UGT1A3: variants seen among roughly 807,000 people sequenced by gnomAD.
UGT1A3 encodes UDP glucuronosyltransferase family 1 member A3.
UGT1A3 carries 31 observed loss-of-function variants against 41.0 expected under a neutral mutation model. The ratio of observed to expected loss-of-function variants is 0.76; its 90% CI spans 0.57 to 1.02. The LOEUF (loss-of-function observed/expected upper bound fraction) is 1.02. Ranked by LOEUF, UGT1A3 falls within the 50% of genes least tolerant of loss-of-function variation. The pLI, the probability that UGT1A3 is intolerant of heterozygous loss-of-function variation, is 0.00. For missense variants in UGT1A3, 737 were observed against 671.0 expected, an observed-to-expected ratio of 1.10 and a Z score of -1.09; for synonymous variants, 262 against 257.6, an observed-to-expected ratio of 1.02 and a Z score of -0.17.
At chr2:233,734,318 A>T (rs1468594401) in intron 1 of UGT1A3, among the ~76,000 whole-genome samples, 1 of 152,016 alleles carries the variant, frequency 6.6e-6, no homozygotes, top group African/African-American at 2.4e-5. Context: ...GTGTAGACGT[A>T]TTTATAGTAT....
In UGT1A3 at chr2:233,768,227, G is replaced by A. The variant is rs751408172; in HGVS notation, c.1095G>A (p.Pro365=). The part of the protein sequence containing the change: ...WLPQNDLLGH[P]MTRAFITHAG... The stretch of plus-strand genomic sequence containing the variant: ...CCCTATTTTGCATCTCAGGTCACCC[G>A]ATGACCCGTGCCTTTATCACCCATG... Residue 365 remains proline, a synonymous_variant, in exon 4 of 5, where the codon CCG becomes CCA. Transcript: ENST00000482026. 1.3e-5 allele frequency: 21 copies of A among 1,614,014 alleles called. No individual in the cohort carries two copies. The highest frequency in any genetic ancestry group is 8.3e-5 in the Admixed American group (5 of 59,996).
rs1355599661 is a variant in UGT1A3, at chr2:233,766,653, G to C, written c.868-381G>C. Among the ~76,000 whole-genome samples the C allele has an allele frequency of 2.6e-5, 4 of 152,090 alleles. No individual in the cohort carries two copies. In the East Asian group the frequency reaches 7.7e-4, roughly 29 times the overall value. On this transcript the variant is annotated intron_variant, in intron 1 of 4. Transcript: ENST00000482026. ...TCCCTACTTCCATATCATTTAAAGG[G>C]ACCACGCCCTTCCCAGCTCTTCCCT...
chr2:233,765,361 G>A (rs1166048656), intron 1 of UGT1A3, among the ~76,000 whole-genome samples: 1 of 152,180 alleles, frequency 6.6e-6, no homozygotes, highest in Non-Finnish European at 1.5e-5. Context: ...CAACCCAGAT[G>A]CCCATCAATG....
At chr2:233,761,418 C>T (rs1559408324) in intron 1 of UGT1A3, among the ~76,000 whole-genome samples, 1 of 152,184 alleles carries the variant, frequency 6.6e-6, no homozygotes, top group Admixed American at 6.5e-5. Context: ...AAACAACAAG[C>T]TGTTAAATGC....
rs762751427 is a variant in UGT1A3 at position 233,729,397 on chromosome 2, C to G, written c.271C>G (p.Arg91Gly). ...TTCGTGGACCCAGGATGAATTTGAT[C>G]GCCATGTGCTGGGCCACACTCAACT... ...AISWTQDEFD[R>G]HVLGHTQLYF... Residue 91 changes from arginine (R) to glycine (G), a missense_variant, in exon 1 of 5, where the codon CGC (arginine) becomes GGC (glycine). Coordinates refer to ENST00000482026, the MANE Select transcript of UGT1A3 (RefSeq NM_019093.4). 2 of 1,613,656 alleles carry G rather than the reference C, an allele frequency of 1.2e-6. No homozygotes were observed. Among genetic ancestry groups the G allele is most frequent in the Non-Finnish European group, 8.5e-7 (1 of 1,179,714 alleles).
At chr2:233,747,146 G>T in intron 1 of UGT1A3, 1 of 1,568,908 alleles carries the variant, frequency 6.4e-7, no homozygotes, top group Non-Finnish European at 8.6e-7. Flanking sequence ...AGGTAATTAA[G>T]ATGAAGAAAA....
chr2:233,742,713 C>A (rs546122146), intron 1 of UGT1A3: 1 of 152,522 alleles, frequency 6.6e-6, no homozygotes. Flanking sequence ...CCGATTTCAG[C>A]TCAGTGATAT....
At chr2:233,760,300 T>G (rs1271688129) in intron 1 of UGT1A3, 1 of 1,613,254 alleles carries the variant, frequency 6.2e-7, no homozygotes, top group East Asian at 2.2e-5. Flanking sequence ...GGCTGTGGAG[T>G]CCCAGGGCGG....
chr2:233,748,217 A>T, intron 1 of UGT1A3: 1 of 1,473,232 alleles, frequency 6.8e-7, no homozygotes, highest in East Asian at 2.4e-5. Flanking sequence ...CTTCAGTGAG[A>T]TAAACTGTTA....
chr2:233,729,223 G>T lies in UGT1A3; in HGVS notation c.97G>T (p.Val33Leu). 1 of 1,614,166 alleles carries T rather than the reference G, an allele frequency of 6.2e-7. No homozygotes were observed. The highest frequency in any genetic ancestry group is 8.5e-7 in the Non-Finnish European group (1 of 1,180,000). Residue 33 changes from valine to leucine, a missense_variant, in exon 1 of 5, where the codon GTG becomes TTG. Val to Leu is a conservative substitution (Grantham distance 32). Transcript: ENST00000482026. ...QPWAESGKVL[V>L]VPIDGSHWLS... ...CTGGGCTGAGAGTGGAAAGGTGTTG[G>T]TGGTGCCCATTGATGGCAGCCACTG...
chr2:233,760,258 G>C (rs1164776908), intron 1 of UGT1A3: 2 of 1,611,088 alleles, frequency 1.2e-6, no homozygotes, highest in Non-Finnish European at 1.7e-6. Context: ...AAGTAGGAGA[G>C]GGCGAACCTC....
In UGT1A3 at chr2:233,729,771, C is replaced by A; in HGVS notation, c.645C>A (p.Leu215=). Residue 215 remains leucine, a synonymous_variant, in exon 1 of 5, where the codon CTC becomes CTA. Coordinates refer to ENST00000482026, the MANE Select transcript of UGT1A3 (RefSeq NM_019093.4). ...TCATGCAAAGGGTCAAGAACATGCT[C>A]TACCCTCTGGCCCTGTCCTACATTT... is the stretch of plus-strand genomic sequence containing the variant. ...MTFMQRVKNM[L]YPLALSYICH... 1 of 1,613,970 alleles carries A rather than the reference C, an allele frequency of 6.2e-7. No individual in the cohort carries two copies. Among genetic ancestry groups the A allele is most frequent in the Non-Finnish European group, 8.5e-7 (1 of 1,179,858 alleles).
intron 1 of UGT1A3, among the ~76,000 whole-genome samples, chr2:233,765,711 TTAATAA>T (rs10664358): frequency 2.7e-5 from 4 of 149,240 alleles, no homozygotes; most frequent in African/African-American, 7.4e-5. Context: ...ATAATAATAA[TTAATAA>T]TAATAATAAT....
At chr2:233,744,008 G>C in intron 1 of UGT1A3, 6 of 1,163,404 alleles carry the variant, frequency 5.2e-6, no homozygotes, top group Non-Finnish European at 6.7e-6. Context: ...CGGAGACCTG[G>C]GCCGCCTGGA....
intron 1 of UGT1A3, chr2:233,747,259 G>C (rs1240117777): frequency 7.1e-5 from 114 of 1,600,384 alleles, no homozygotes; most frequent in Non-Finnish European, 9.2e-5. Flanking sequence ...GGCCACAGGA[G>C]TGCTACTCCT....
At position 233,768,369 on chromosome 2, in the gene UGT1A3, A is replaced by T. The variant is rs1156645272; in HGVS notation, c.1237A>T (p.Thr413Ser). 8.1e-6 allele frequency: 13 copies of T among 1,614,034 alleles called. No homozygotes were observed. The South Asian group carries it at 1.1e-4, about 14-fold the overall frequency. Residue 413 changes from threonine to serine, a missense_variant, in exon 4 of 5, where the codon ACC (threonine) becomes TCC (serine). Thr to Ser is a moderately conservative substitution (Grantham distance 58). Coordinates refer to ENST00000482026, the MANE Select transcript of UGT1A3 (RefSeq NM_019093.4). ...CATGGAGACTAAGGGAGCTGGAGTG[A>T]CCCTGAATGTTCTGGAAATGACTTC... Reference protein sequence around the residue: ...KRMETKGAGVTLNVLEMTSED... With the variant: ...KRMETKGAGVSLNVLEMTSED...
Position 233,772,728 on chromosome 2 carries a change from C to T in UGT1A3, c.*169C>T, listed in dbSNP as rs1029569602. 2.4e-5 allele frequency: 35 copies of T among 1,446,106 alleles called. No homozygotes were observed. The highest frequency in any genetic ancestry group is 8.7e-5 in the South Asian group (6 of 68,994). The allele number at this position is 1,446,106 out of a possible 1,614,324, so 89.6% of individuals were successfully genotyped here. A position where few individuals can be genotyped will look rare whatever the true frequency, so the allele number is the denominator to read the frequency against. ...TTCTCTTAAATAAAAATAATAGACT[C>T]GCTAGTCAGTAAAGATATTTGAATA... On this transcript the variant is annotated 3_prime_UTR_variant, in exon 5 of 5. Coordinates refer to ENST00000482026, the MANE Select transcript of UGT1A3 (RefSeq NM_019093.4).
chr2:233,730,084 A>C (rs962499834), intron 1 of UGT1A3, 91 bp downstream of exon 1: 1 of 1,601,106 alleles, frequency 6.2e-7, no homozygotes, highest in Admixed American at 1.7e-5. Context: ...ATATTTACTT[A>C]TCTTTCCAAA....
intron 4 of UGT1A3, 143 bp downstream of exon 4, chr2:233,768,582 C>CTTT (rs139595073): frequency 4.4e-4 from 456 of 1,032,814 alleles, no homozygotes; most frequent in African/African-American, 3.3e-3. Flanking sequence ...TTTATTTCTT[C>CTTT]TTTTTTTTTT....
Sources: allele counts gnomAD v4.1 joint callset (sites outside exome capture counted in the v4.1 genomes callset), GRCh38; gene constraint gnomAD v4.1.1; transcripts MANE v1.5; gene names NCBI Gene and HGNC (gene_info 2026-07-23, HGNC 2026-07-21).